SNTB1: variants seen among roughly 807,000 people sequenced by gnomAD.
SNTB1 encodes beta-1-syntrophin.
In SNTB1, 36 loss-of-function variants were observed where a neutral mutation model predicts 48.9. The ratio of observed to expected loss-of-function variants is 0.74; its 90% CI spans 0.56 to 0.97. The LOEUF is 0.97. Ranked by LOEUF, SNTB1 falls within the 50% of genes least tolerant of loss-of-function variation. SNTB1 has a pLI of 0.00. For synonymous variants in SNTB1, 299 were observed against 294.6 expected (o/e 1.01, Z -0.15); for missense variants, 786 against 703.4 (o/e 1.12, Z -1.33).
chr8:120,639,287 A>T (rs1182326935), intron 2 of SNTB1, among the ~76,000 whole-genome samples: 2 of 152,172 alleles, frequency 1.3e-5, no homozygotes, highest in African/African-American at 4.8e-5. Context: ...TCTAGATATT[A>T]GCCCTTTTTC....
intron 3 of SNTB1, among the ~76,000 whole-genome samples, chr8:120,594,756 C>A (rs11997681): frequency 0.034 from 5,183 of 152,022 alleles, 320 homozygotes; most frequent in African/African-American, 0.12. Flanking sequence ...TGTTTTAGCA[C>A]CTCAGAGGGA....
intron 4 of SNTB1, among the ~76,000 whole-genome samples, chr8:120,554,104 C>T (rs1815526069): frequency 6.6e-6 from 1 of 152,128 alleles, no homozygotes; most frequent in African/African-American, 2.4e-5. Context: ...AAATCGATTC[C>T]CGGGGAGGTC....
At chr8:120,788,771 TAGTC>T (rs1211131958) in intron 1 of SNTB1, among the ~76,000 whole-genome samples, 4 of 151,998 alleles carry the variant, frequency 2.6e-5, no homozygotes, top group African/African-American at 7.2e-5. Flanking sequence ...TGAAAAGAAA[TAGTC>T]AGCAGCACAA....
intron 2 of SNTB1, among the ~76,000 whole-genome samples, chr8:120,641,176 C>T (rs987373525): frequency 5.9e-5 from 9 of 152,100 alleles, no homozygotes; most frequent in Admixed American, 2.0e-4. Flanking sequence ...AGTTCATTGT[C>T]TCCCAAAGTT....
In SNTB1 at chr8:120,577,316, C is replaced by A. The variant is rs552179855; in HGVS notation, c.997-2091G>T. Among the ~76,000 whole-genome samples the A allele has an allele frequency of 1.3e-3, 199 of 152,300 alleles. 1 individual carries two copies. The highest frequency in any genetic ancestry group is 6.0e-4 in the Non-Finnish European group (41 of 68,030). ...CATGAATGACTGTTGACATATTCCT[C>A]ATTTTGTGTATTTTATGCATATTTT... is the stretch of plus-strand genomic sequence containing the variant. On this transcript the variant is annotated intron_variant, in intron 3 of 6. Coordinates refer to ENST00000517992, the MANE Select transcript of SNTB1 (RefSeq NM_021021.4).
intron 2 of SNTB1, among the ~76,000 whole-genome samples, chr8:120,684,900 C>T (rs1015311401): frequency 3.9e-5 from 6 of 152,184 alleles, no homozygotes; most frequent in Non-Finnish European, 4.4e-5. Flanking sequence ...AGTTACTCCA[C>T]CCGCCTTGGC....
intron 1 of SNTB1, among the ~76,000 whole-genome samples, chr8:120,737,568 C>T (rs139887832): frequency 1.3e-5 from 2 of 152,140 alleles, no homozygotes; most frequent in Non-Finnish European, 2.9e-5. Context: ...TCAGAGAGAT[C>T]TAATCACAAG....
chr8:120,677,646 A>T (rs1817860111), intron 2 of SNTB1, among the ~76,000 whole-genome samples: 1 of 152,140 alleles, frequency 6.6e-6, no homozygotes, highest in Admixed American at 6.6e-5. Flanking sequence ...AGGATTTTAC[A>T]TTTGCTAAGT....
chr8:120,740,625 A>G (rs1219806199), intron 1 of SNTB1, among the ~76,000 whole-genome samples: 1 of 152,196 alleles, frequency 6.6e-6, no homozygotes, highest in East Asian at 1.9e-4. Flanking sequence ...AGCTCCAGGC[A>G]TTCCACAACA....
Position 120,706,961 on chromosome 8 carries a change from G to A in SNTB1, c.572-13053C>T, listed in dbSNP as rs138318990. Reference sequence around the variant, plus strand: ...GAATGACATTTTTCCACCTTACTCCGAATATGCTGCAAATCTAAAGTACTT... The same window carrying A: ...GAATGACATTTTTCCACCTTACTCCAAATATGCTGCAAATCTAAAGTACTT... On this transcript the variant is annotated intron_variant, in intron 1 of 6. Coordinates refer to ENST00000517992, the MANE Select transcript of SNTB1 (RefSeq NM_021021.4). Among the ~76,000 whole-genome samples the A allele has an allele frequency of 1.6e-3, 237 of 152,264 alleles. 6 individuals are homozygous for A. The East Asian group carries it at 0.045, about 29-fold the overall frequency.
Position 120,627,532 on chromosome 8 carries a change from G to A in SNTB1, c.996+4912C>T, listed in dbSNP as rs895617423. Among the ~76,000 whole-genome samples, 29 of 152,140 alleles carry A rather than the reference G, an allele frequency of 1.9e-4. 1 individual carries two copies. The highest frequency in any genetic ancestry group is 7.0e-4 in the African/African-American group (29 of 41,426). On this transcript the variant is annotated intron_variant, in intron 3 of 6. Transcript: ENST00000517992. ...TGACATAGTCAAGAATGGAAGAGAAGGACAGAAAGGAGAGAATGTCTTCTT... is the reference window on the plus strand; with the variant it reads ...TGACATAGTCAAGAATGGAAGAGAAAGACAGAAAGGAGAGAATGTCTTCTT...
intron 3 of SNTB1, among the ~76,000 whole-genome samples, chr8:120,579,214 A>G (rs13255107): frequency 0.42 from 62,904 of 150,836 alleles, 16,305 homozygotes; most frequent in Non-Finnish European, 0.58. Context: ...ACAAACAAAC[A>G]AAGAGCAAAC....
intron 2 of SNTB1, among the ~76,000 whole-genome samples, chr8:120,634,357 T>C (rs995210806): frequency 6.6e-6 from 1 of 152,196 alleles, no homozygotes; most frequent in African/African-American, 2.4e-5. Flanking sequence ...TTTATAGTAT[T>C]ACATATAATG....
chr8:120,652,000 G>A (rs1011923133), intron 2 of SNTB1, among the ~76,000 whole-genome samples: 2 of 152,174 alleles, frequency 1.3e-5, no homozygotes, highest in African/African-American at 4.8e-5. Flanking sequence ...AGTGACAGGA[G>A]GACAAAATTG....
intron 3 of SNTB1, among the ~76,000 whole-genome samples, chr8:120,581,706 G>T (rs1387836703): frequency 6.6e-6 from 1 of 152,112 alleles, no homozygotes; most frequent in Non-Finnish European, 1.5e-5. Flanking sequence ...GAAAAATATG[G>T]TCTGATCATG....
At chr8:120,688,945 T>C (rs1312885873) in intron 2 of SNTB1, among the ~76,000 whole-genome samples, 2 of 151,944 alleles carry the variant, frequency 1.3e-5, no homozygotes, top group African/African-American at 2.4e-5. Context: ...GTAAGAAACA[T>C]ACCCAAATAC....
chr8:120,721,329 T>C (rs1818655387), intron 1 of SNTB1, among the ~76,000 whole-genome samples: 1 of 152,220 alleles, frequency 6.6e-6, no homozygotes, highest in African/African-American at 2.4e-5. Context: ...CAAGGTTAAC[T>C]CATTTTTGTG....
intron 1 of SNTB1, among the ~76,000 whole-genome samples, chr8:120,751,824 C>T (rs189339805): frequency 6.6e-6 from 1 of 152,110 alleles, no homozygotes; most frequent in Non-Finnish European, 1.5e-5. Flanking sequence ...TGTCTGCACA[C>T]AATGGGTGCC....
In SNTB1 at chr8:120,811,461, T is replaced by G; in HGVS notation, c.383A>C (p.Lys128Thr). The G allele has an allele frequency of 6.2e-7, 1 of 1,614,016 alleles. No homozygotes were observed. Among genetic ancestry groups the G allele is most frequent in the East Asian group, 2.2e-5 (1 of 44,862 alleles). Residue 128 changes from lysine (K) to threonine (T), a missense_variant, in exon 1 of 7, where the codon AAG (lysine) becomes ACG (threonine). Physicochemically the swap from Lys to Thr is moderately conservative, Grantham distance 78 (BLOSUM62 -1). Coordinates refer to ENST00000517992, the MANE Select transcript of SNTB1 (RefSeq NM_021021.4). ...GGGCATCTTGTTCTCCTTGCCCCCCTTGATGCTGATCCCCAGCCCGCCCAG... is the reference window on the plus strand; with the variant it reads ...GGGCATCTTGTTCTCCTTGCCCCCCGTGATGCTGATCCCCAGCCCGCCCAG... ...QELGGLGISI[K>T]GGKENKMPIL...
Sources: gnomAD v4.1 joint callset for allele counts (sites outside exome capture counted in the v4.1 genomes callset) on GRCh38, gnomAD v4.1.1 for gene constraint, MANE v1.5 for transcripts, NCBI Gene and HGNC (gene_info 2026-07-23, HGNC 2026-07-21) for gene names.